NLRP2: variants seen among roughly 807,000 people sequenced by gnomAD.
NLRP2 encodes the protein NLR family pyrin domain containing 2, also known as NACHT, LRR and PYD domains-containing protein 2.
A neutral mutation model predicts 97.2 loss-of-function variants in NLRP2; 107 were observed. That is an observed-to-expected ratio of 1.10 (90% CI 0.94 to 1.29). The LOEUF is 1.29. Ranked by LOEUF, NLRP2 falls within the 50% of genes most tolerant of loss-of-function variation. The probability of loss-of-function intolerance (pLI) is 0.00; values close to 1 mark genes in which losing one functional copy is unlikely to be tolerated. For missense variants in NLRP2, 1,495 were observed against 1,330.3 expected, an observed-to-expected ratio of 1.12 and a Z score of -1.93; for synonymous variants, 663 against 551.5, an observed-to-expected ratio of 1.20 and a Z score of -2.83.
intron 3 of NLRP2, among the ~76,000 whole-genome samples, chr19:54,975,235 C>G (rs11879701): frequency 0.038 from 5,653 of 146,960 alleles, 465 homozygotes; most frequent in African/African-American, 0.13. Flanking sequence ...ATCCTCCTGC[C>G]TCAGCCTCCT....
chr19:54,979,721 A>G (rs2071454940), intron 4 of NLRP2, among the ~76,000 whole-genome samples: 1 of 152,102 alleles, frequency 6.6e-6, no homozygotes, highest in Non-Finnish European at 1.5e-5. Context: ...AACTTGGTTG[A>G]AGGAATTGTT....
rs531383370 is a variant in NLRP2, at chr19:54,997,492, G to A, written c.3050+5G>A. On this transcript the variant is annotated splice_donor_5th_base_variant and intron_variant, in intron 12 of 12. Coordinates refer to ENST00000448584, the MANE Select transcript of NLRP2 (RefSeq NM_017852.5). ...TGGCACCCTCCGGACACTCAGGTAT[G>A]ATCCATTTACTTCCCCATCAGGCTT... The A allele has an allele frequency of 2.7e-5, 44 of 1,614,120 alleles. No homozygotes were observed. Among genetic ancestry groups the A allele is most frequent in the Non-Finnish European group, 3.6e-5 (43 of 1,180,004 alleles).
intron 12 of NLRP2, 87 bp downstream of exon 12, chr19:54,997,574 T>C (rs183617597): frequency 5.2e-6 from 7 of 1,356,476 alleles, no homozygotes; most frequent in African/African-American, 1.4e-5. Flanking sequence ...TGTAGGAGAC[T>C]GATCTGGTAG....
At chr19:54,999,286 T>TA (rs1397705127) in intron 12 of NLRP2, among the ~76,000 whole-genome samples, 1 of 152,190 alleles carries the variant, frequency 6.6e-6, no homozygotes, top group East Asian at 1.9e-4. Flanking sequence ...TAGCTGGGAC[T>TA]ACAGGCATGT....
At chr19:54,973,984 G>C (rs1310263735) in intron 2 of NLRP2, 1 of 1,227,174 alleles carries the variant, frequency 8.1e-7, no homozygotes, top group Non-Finnish European at 1.2e-6. Flanking sequence ...TCCGGAAAAA[G>C]GCTAAAACTA....
intron 4 of NLRP2, among the ~76,000 whole-genome samples, chr19:54,978,053 A>G (rs1162216108): frequency 6.6e-6 from 1 of 152,008 alleles, no homozygotes; most frequent in African/African-American, 2.4e-5. Context: ...AGCACAGCGC[A>G]GAGAGTTTTT....
chr19:54,996,078 A>T (rs1023860544), intron 11 of NLRP2, among the ~76,000 whole-genome samples: 6 of 148,136 alleles, frequency 4.1e-5, no homozygotes, highest in Non-Finnish European at 7.5e-5. Context: ...GCGCCTTTTT[A>T]ATCACTCACT....
Position 55,001,015 on chromosome 19 carries a change from G to C in NLRP2, c.*117G>C. On this transcript the variant is annotated 3_prime_UTR_variant, in exon 13 of 13. Transcript: ENST00000448584. Reference sequence around the variant, plus strand: ...CTCAGGGATAATGAGTTCATTGCTGGGCTAGATGTTTTAGCCATGATTCTG... The same window carrying C: ...CTCAGGGATAATGAGTTCATTGCTGCGCTAGATGTTTTAGCCATGATTCTG... 3.3e-6 allele frequency: 3 copies of C among 898,384 alleles called. No homozygotes were observed. The South Asian group carries it at 4.1e-5, about 12-fold the overall frequency. 55.7% of individuals were successfully genotyped at this position (898,384 alleles called of 1,614,324 possible).
intron 11 of NLRP2, 63 bp downstream of exon 11, chr19:54,994,502 A>G: frequency 1.3e-6 from 2 of 1,569,784 alleles, no homozygotes; most frequent in Admixed American, 1.7e-5. Flanking sequence ...GGCTAGTGTA[A>G]AATAATCAGT....
chr19:54,969,952 G>C (rs703465), intron 1 of NLRP2, 47 bp from the exon 2 acceptor site: 427,717 of 1,579,450 alleles, frequency 0.27, 59,200 homozygotes, highest in East Asian at 0.41. Context: ...TGAGACAGGA[G>C]TGCTAATCAC....
At chr19:54,997,273 TC>T (rs761154964) in intron 11 of NLRP2, 43 bp from the exon 12 acceptor site, 2 of 1,605,460 alleles carry the variant, frequency 1.2e-6, no homozygotes, top group Non-Finnish European at 1.7e-6. Flanking sequence ...AGGGCATCGA[TC>T]AGCACTGGCT....
intron 7 of NLRP2, 122 bp downstream of exon 7, chr19:54,985,339 A>T: frequency 1.1e-6 from 1 of 912,564 alleles, no homozygotes; most frequent in Non-Finnish European, 1.8e-6. Context: ...CAGGGAATTG[A>T]GAGAGTCCTG....
intron 6 of NLRP2, among the ~76,000 whole-genome samples, chr19:54,984,667 G>C (rs946409672): frequency 3.3e-5 from 5 of 151,126 alleles, no homozygotes; most frequent in African/African-American, 1.2e-4. Flanking sequence ...ACTTTTAGTA[G>C]AGACGGGGTT....
At chr19:54,984,483 A>ATTTTTTTTTTTTT (rs1568505832) in intron 6 of NLRP2, among the ~76,000 whole-genome samples, 3 of 46,192 alleles carry the variant, frequency 6.5e-5, no homozygotes, top group African/African-American at 5.8e-4. Context: ...TATATTCCCA[A>ATTTTTTTTTTTTT]TCTTTTTTTT....
At position 54,997,366 on chromosome 19, in the gene NLRP2, G is replaced by GC. The variant is rs755180102; in HGVS notation, c.2932dup (p.Leu978ProfsTer20). 9.9e-6 allele frequency: 16 copies of GC among 1,614,028 alleles called. No individual in the cohort carries two copies. The highest frequency in any genetic ancestry group is 1.3e-5 in the Non-Finnish European group (15 of 1,180,042). ...GTTCAGTTGTGAAGACCTCTGCTCT[G>GC]CCCTCAGCTGCAACCAGAGCCTCGT... On this transcript the variant is annotated frameshift_variant, in exon 12 of 13. Coordinates refer to ENST00000448584, the MANE Select transcript of NLRP2 (RefSeq NM_017852.5). LOFTEE classifies it high-confidence loss of function.
intron 3 of NLRP2, among the ~76,000 whole-genome samples, chr19:54,975,870 C>T (rs914675728): frequency 6.6e-6 from 1 of 152,224 alleles, no homozygotes; most frequent in Non-Finnish European, 1.5e-5. Flanking sequence ...CTTACCTCAG[C>T]CTCCTGAGTA....
At chr19:54,978,937 G>T (rs1380531340) in intron 4 of NLRP2, among the ~76,000 whole-genome samples, 2 of 151,874 alleles carry the variant, frequency 1.3e-5, no homozygotes, top group Non-Finnish European at 2.9e-5. Context: ...AGAAAATTGA[G>T]TCTTTTGGGT....
chr19:54,979,297 C>T (rs916626484), intron 4 of NLRP2, among the ~76,000 whole-genome samples: 7 of 151,352 alleles, frequency 4.6e-5, no homozygotes, highest in African/African-American at 1.7e-4. Flanking sequence ...TGATCAGTTT[C>T]AGATCAGCCT....
At position 54,975,455 on chromosome 19, in the gene NLRP2, ATTTT is replaced by A. The variant is rs34340544; in HGVS notation, c.325+922_325+925del. ...TACTTATATCCTGAAGATTATTATT[ATTTT>A]TTTTTTTTTTGAGATAGAGTCTCTC... On this transcript the variant is annotated intron_variant, in intron 3 of 12. Transcript: ENST00000448584. Among the ~76,000 whole-genome samples the A allele has an allele frequency of 2.3e-4, 31 of 132,468 alleles. 2 individuals are homozygous for A. The highest frequency in any genetic ancestry group is 8.7e-4 in the African/African-American group (29 of 33,396). 86.9% of individuals were successfully genotyped at this position (132,468 alleles called of 152,430 possible).
Sources: allele counts gnomAD v4.1 joint callset (sites outside exome capture counted in the v4.1 genomes callset), GRCh38; gene constraint gnomAD v4.1.1; transcripts MANE v1.5; gene names NCBI Gene and HGNC (gene_info 2026-07-23, HGNC 2026-07-21).